The following NEK9 variants were observed in gnomAD, a reference collection of about 807,000 sequenced individuals.
The protein encoded by NEK9 is serine/threonine-protein kinase Nek9.
Under a neutral mutation model 123.4 loss-of-function variants are expected in NEK9, and 75 were observed. That is an observed-to-expected ratio of 0.61 (90% CI 0.50 to 0.74). The LOEUF (loss-of-function observed/expected upper bound fraction) is 0.74. NEK9 is among the 30% of genes least tolerant of loss of function. The pLI, the probability that NEK9 is intolerant of heterozygous loss-of-function variation, is 0.00. For synonymous variants in NEK9, 438 were observed against 458.7 expected, an observed-to-expected ratio of 0.95 and a Z score of 0.58; for missense variants, 952 against 1,214.4, an observed-to-expected ratio of 0.78 and a Z score of 3.21.
chr14:75,115,278 G>C (rs1469090747), intron 6 of NEK9, among the ~76,000 whole-genome samples: 1 of 152,036 alleles, frequency 6.6e-6, no homozygotes, highest in African/African-American at 2.4e-5. Context: ...ACCATGCCTG[G>C]ATAATTTTTG....
Position 75,103,107 on chromosome 14 carries a change from G to A in NEK9, c.1731+735C>T, listed in dbSNP as rs1260497234. Reference sequence around the variant, plus strand: ...TACCTAATGTAAATGACGAGTTAATGGGTACAGCACACCAACATGGCGTAT... The same window carrying A: ...TACCTAATGTAAATGACGAGTTAATAGGTACAGCACACCAACATGGCGTAT... On this transcript the variant is annotated intron_variant, in intron 14 of 21. Transcript: ENST00000238616. Among the ~76,000 whole-genome samples the A allele has an allele frequency of 9.2e-5, 14 of 151,850 alleles. No homozygotes were observed. In the East Asian group the frequency reaches 2.1e-3, roughly 23 times the overall value.
chr14:75,125,162 TAC>T (rs539296969), intron 1 of NEK9, among the ~76,000 whole-genome samples: 55 of 152,142 alleles, frequency 3.6e-4, no homozygotes, highest in Non-Finnish European at 6.2e-4. Flanking sequence ...GCCAAGCCTT[TAC>T]AGTGTTTTTG....
At position 75,117,901 on chromosome 14, in the gene NEK9, T is replaced by C. The variant is rs139943124; in HGVS notation, c.631-575A>G. Reference sequence around the variant, plus strand: ...GTCATGCCTCTCCCAAGATGAGATATAATGAATGCCCTAGCAGCTCTAATA... The same window carrying C: ...GTCATGCCTCTCCCAAGATGAGATACAATGAATGCCCTAGCAGCTCTAATA... On this transcript the variant is annotated intron_variant, in intron 5 of 21. Coordinates refer to ENST00000238616, the MANE Select transcript of NEK9 (RefSeq NM_033116.6). 3.9e-5 allele frequency among the ~76,000 whole-genome samples: 6 copies of C among 152,346 alleles called. No individual in the cohort carries two copies. In the East Asian group the frequency reaches 1.2e-3, roughly 29 times the overall value.
chr14:75,094,881 A>G (rs942858041), intron 18 of NEK9, among the ~76,000 whole-genome samples: 11 of 152,206 alleles, frequency 7.2e-5, no homozygotes, highest in African/African-American at 2.7e-4. Flanking sequence ...AATAGATTCA[A>G]TTTCCTAGCA....
intron 21 of NEK9, 128 bp from the exon 22 acceptor site, chr14:75,084,814 G>C (rs780239718): frequency 1.1e-5 from 12 of 1,135,154 alleles, no homozygotes; most frequent in African/African-American, 1.5e-5. Context: ...TTGTAGCCAC[G>C]ATCTTGTGAG....
chr14:75,102,019 A>G (rs1179253869), intron 14 of NEK9, among the ~76,000 whole-genome samples: 1 of 152,248 alleles, frequency 6.6e-6, no homozygotes, highest in Non-Finnish European at 1.5e-5. Context: ...TAGGGTTTAT[A>G]AAACATGAAC....
intron 6 of NEK9, among the ~76,000 whole-genome samples, chr14:75,115,988 C>T (rs1594848523): frequency 6.6e-6 from 1 of 151,850 alleles, no homozygotes; most frequent in Admixed American, 6.6e-5. Context: ...TTTTAACACC[C>T]ACGATGTGTT....
At chr14:75,124,414 A>C (rs969524476) in intron 1 of NEK9, among the ~76,000 whole-genome samples, 191 bp from the exon 2 acceptor site, 10 of 152,200 alleles carry the variant, frequency 6.6e-5, no homozygotes, top group African/African-American at 2.4e-4. Context: ...GGACAGGGGA[A>C]GTAAAGCATT....
rs1398461209 is a variant in NEK9 at position 75,081,437 on chromosome 14, A to G, written c.*3127T>C. 1 of 152,196 alleles carries G rather than the reference A, an allele frequency of 6.6e-6. No homozygotes were observed. Among genetic ancestry groups the G allele is most frequent in the Non-Finnish European group, 1.5e-5 (1 of 68,034 alleles). 9.4% of individuals were successfully genotyped at this position (152,196 alleles called of 1,614,324 possible). A position where few individuals can be genotyped will look rare whatever the true frequency, so the allele number is the denominator to read the frequency against. ...ATCAGCGTGTTTATTTCCACAGTTA[A>G]TCATTGAAACAATAAATGATTTTTG... On this transcript the variant is annotated 3_prime_UTR_variant, in exon 22 of 22. Transcript: ENST00000238616. The surrounding 1 kb of genome is among the most constrained non-coding windows in gnomAD (Gnocchi z 4.2).
At chr14:75,098,352 T>C (rs117824813) in intron 16 of NEK9, among the ~76,000 whole-genome samples, 1,834 of 152,210 alleles carry the variant, frequency 0.012, 73 homozygotes, top group Admixed American at 0.079. Flanking sequence ...TATTAATCAT[T>C]AAGCCAGGAC....
chr14:75,120,650 A>C, intron 3 of NEK9, 70 bp from the exon 4 acceptor site: 4 of 1,065,938 alleles, frequency 3.8e-6, no homozygotes, highest in South Asian at 2.9e-5. Context: ...CACACACATA[A>C]ACAAACAAAA....
In NEK9 at chr14:75,086,695, C is replaced by T. The variant is rs560047622; in HGVS notation, c.2817+323G>A. 19 of 258,866 alleles carry T rather than the reference C, an allele frequency of 7.3e-5. No homozygotes were observed. In the South Asian group the frequency reaches 8.4e-4, roughly 11 times the overall value. The allele number at this position is 258,866 out of a possible 1,614,324, so 16.0% of individuals were successfully genotyped here. A position where few individuals can be genotyped will look rare whatever the true frequency, so the allele number is the denominator to read the frequency against. ...GGCTGAGGCGGGTGGATCATGAAGT[C>T]AAGTGATCGAGACCATCCTGGCCAA... On this transcript the variant is annotated intron_variant, in intron 21 of 21. Coordinates refer to ENST00000238616, the MANE Select transcript of NEK9 (RefSeq NM_033116.6).
chr14:75,103,880 C>A lies in NEK9; in HGVS notation c.1693G>T (p.Gly565Cys), dbSNP rs1187497840. The change falls in exon 14 of 22, where the codon GGT becomes TGT. Residue 565 changes from glycine (G) to cysteine (C), a missense_variant. Gly to Cys is a radical substitution (Grantham distance 159, BLOSUM62 -3). Coordinates refer to ENST00000238616, the MANE Select transcript of NEK9 (RefSeq NM_033116.6). ...ACGLNEFNKL[G>C]LNQCMSGIIN... is the part of the protein sequence containing the mutation. ...ATTCCCGACATGCACTGATTCAGAC[C>A]CAGCTTATTGAATTCATTGAGTCCA... 1 of 1,613,774 alleles carries A rather than the reference C, an allele frequency of 6.2e-7. No homozygotes were observed. The highest frequency in any genetic ancestry group is 1.3e-5 in the African/African-American group (1 of 74,874).
chr14:75,110,274 G>T, intron 9 of NEK9, 47 bp downstream of exon 9: 1 of 1,442,732 alleles, frequency 6.9e-7, no homozygotes. Context: ...GAACCCCCTG[G>T]TTGTAATTTC....
At chr14:75,102,515 T>TA (rs1894620014) in intron 14 of NEK9, among the ~76,000 whole-genome samples, 1 of 149,886 alleles carries the variant, frequency 6.7e-6, no homozygotes, top group Non-Finnish European at 1.5e-5. Flanking sequence ...ACCTGGCTGT[T>TA]TTTTTTTTTG....
Position 75,127,034 on chromosome 14 carries a change from G to T in NEK9, c.-113C>A. 2 of 859,010 alleles carry T rather than the reference G, an allele frequency of 2.3e-6. No homozygotes were observed. Among genetic ancestry groups the T allele is most frequent in the South Asian group, 2.0e-5 (1 of 49,922 alleles). 53.2% of individuals were successfully genotyped at this position (859,010 alleles called of 1,614,324 possible). A position where few individuals can be genotyped will look rare whatever the true frequency, so the allele number is the denominator to read the frequency against. Reference sequence around the variant, plus strand: ...GCGGATCCGTCAGCCCAGCAACCCCGCGAAGCTCGATGGTGGCTCCTGCCC... The same window carrying T: ...GCGGATCCGTCAGCCCAGCAACCCCTCGAAGCTCGATGGTGGCTCCTGCCC... On this transcript the variant is annotated 5_prime_UTR_variant, in exon 1 of 22. Coordinates refer to ENST00000238616, the MANE Select transcript of NEK9 (RefSeq NM_033116.6).
At chr14:75,126,219 G>A (rs1425670683) in intron 1 of NEK9, among the ~76,000 whole-genome samples, 1 of 152,110 alleles carries the variant, frequency 6.6e-6, no homozygotes, top group East Asian at 1.9e-4. Flanking sequence ...TGAACTTAAA[G>A]ATAATGACAA....
chr14:75,079,980 G>T lies in NEK9; in HGVS notation c.*4584C>A, dbSNP rs1270884788. 3 of 152,176 alleles carry T rather than the reference G, an allele frequency of 2.0e-5. No homozygotes were observed. The highest frequency in any genetic ancestry group is 6.5e-5 in the Admixed American group (1 of 15,278). The allele number at this position is 152,176 out of a possible 1,614,324, so 9.4% of individuals were successfully genotyped here. On this transcript the variant is annotated 3_prime_UTR_variant, in exon 22 of 22. Transcript: ENST00000238616. The stretch of plus-strand genomic sequence containing the variant: ...ATTTTGCTAAAGAAATAAAACAATA[G>T]TCAATGCCTTAAGTGTTCCCTTTAA...
rs1594858551 is a variant in NEK9, at chr14:75,127,037, A to G, written c.-116T>C. 2.5e-6 allele frequency: 2 copies of G among 811,180 alleles called. No homozygotes were observed. Among genetic ancestry groups the G allele is most frequent in the East Asian group, 6.7e-5 (2 of 29,650 alleles). 50.2% of individuals were successfully genotyped at this position (811,180 alleles called of 1,614,324 possible). A position where few individuals can be genotyped will look rare whatever the true frequency, so the allele number is the denominator to read the frequency against. Reference sequence around the variant, plus strand: ...GATCCGTCAGCCCAGCAACCCCGCGAAGCTCGATGGTGGCTCCTGCCCCCC... The same window carrying G: ...GATCCGTCAGCCCAGCAACCCCGCGGAGCTCGATGGTGGCTCCTGCCCCCC... On this transcript the variant is annotated 5_prime_UTR_variant, in exon 1 of 22. Transcript: ENST00000238616.
Sources: allele counts gnomAD v4.1 joint callset (sites outside exome capture counted in the v4.1 genomes callset), GRCh38; gene constraint gnomAD v4.1.1; non-coding constraint Gnocchi (gnomAD v3.1); transcripts MANE v1.5; gene names NCBI Gene and HGNC (gene_info 2026-07-23, HGNC 2026-07-21).